The following PHGDH variants were observed in gnomAD, a reference collection of about 807,000 sequenced individuals.
PHGDH encodes the protein D-3-phosphoglycerate dehydrogenase.
PHGDH carries 50 observed loss-of-function variants against 52.6 expected under a neutral mutation model. The observed-to-expected ratio is 0.95, with a 90% confidence interval of 0.76 to 1.20. PHGDH has a LOEUF of 1.20. Among genes scored for constraint, PHGDH ranks in the 50% most tolerant of loss-of-function variants. The pLI, the probability that PHGDH is intolerant of heterozygous loss-of-function variation, is 0.00. For missense variants in PHGDH, 630 were observed against 684.6 expected (o/e 0.92, Z 0.89); for synonymous variants, 271 against 280.5 (o/e 0.97, Z 0.34).
chr1:119,726,179 AGTGTGTGTGTGTGTGTGT>A (rs55671458), intron 3 of PHGDH, among the ~76,000 whole-genome samples: 5 of 131,170 alleles, frequency 3.8e-5, no homozygotes, highest in Admixed American at 1.5e-4. Context: ...GGCTGTGAAG[AGTGTGTGTGTGTGTGTGT>A]GTGTGTGTGT....
At chr1:119,724,987 C>T in intron 3 of PHGDH, 2 of 456,626 alleles carry the variant, frequency 4.4e-6, no homozygotes, top group Non-Finnish European at 4.4e-6. Flanking sequence ...TATATGTAGA[C>T]TCTACAGGAT....
At chr1:119,741,393 T>C (rs973486448) in intron 9 of PHGDH, among the ~76,000 whole-genome samples, 1 of 152,190 alleles carries the variant, frequency 6.6e-6, no homozygotes, top group Non-Finnish European at 1.5e-5. Flanking sequence ...TGCTTTGATT[T>C]CCTGAGGCTG....
In PHGDH at chr1:119,720,194, A is replaced by T. The variant is rs1221241014; in HGVS notation, c.139-976A>T. The T allele has an allele frequency of 8.5e-5, 13 of 152,324 alleles. No individual in the cohort carries two copies. In the East Asian group the frequency reaches 2.5e-3, roughly 29 times the overall value. 9.4% of individuals were successfully genotyped at this position (152,324 alleles called of 1,614,324 possible). ...CACAGGATTCTGGGTGAGCATAAGG[A>T]AGATTGTCTTGGGGATCTGACTTAG... On this transcript the variant is annotated intron_variant, in intron 1 of 11. Transcript: ENST00000641023.
intron 5 of PHGDH, among the ~76,000 whole-genome samples, chr1:119,732,866 C>T (rs1005650466): frequency 6.6e-6 from 1 of 152,138 alleles, no homozygotes; most frequent in African/African-American, 2.4e-5. Flanking sequence ...ATGGAGTAGA[C>T]GTCAGTCAGG....
intron 8 of PHGDH, among the ~76,000 whole-genome samples, chr1:119,737,725 CTG>C (rs1652008933): frequency 6.6e-6 from 1 of 152,168 alleles, no homozygotes; most frequent in Non-Finnish European, 1.5e-5. Context: ...AATGAGCCCT[CTG>C]TGCTGGCTGA....
In PHGDH at chr1:119,744,196, A is replaced by G; in HGVS notation, c.*156A>G. 5.5e-6 allele frequency: 4 copies of G among 727,682 alleles called. No individual in the cohort carries two copies. The highest frequency in any genetic ancestry group is 2.1e-5 in the Admixed American group (1 of 48,416). The allele number at this position is 727,682 out of a possible 1,614,324, so 45.1% of individuals were successfully genotyped here. Reference sequence around the variant, plus strand: ...CCCTGTAGTACAGCAATAACCGTCTAATAAAGAGCCTACCCCCAACTCCTT... The same window carrying G: ...CCCTGTAGTACAGCAATAACCGTCTGATAAAGAGCCTACCCCCAACTCCTT... On this transcript the variant is annotated 3_prime_UTR_variant, in exon 12 of 12. Transcript: ENST00000641023.
At chr1:119,742,611 C>A in intron 10 of PHGDH, 196 bp from the exon 11 acceptor site, 1 of 637,290 alleles carries the variant, frequency 1.6e-6, no homozygotes, top group Non-Finnish European at 2.9e-6. Context: ...TTAAGGAGAT[C>A]ATTGGCTGTT....
At chr1:119,712,855 A>G (rs1282961752) in intron 1 of PHGDH, among the ~76,000 whole-genome samples, 3 of 152,134 alleles carry the variant, frequency 2.0e-5, no homozygotes, top group Admixed American at 6.5e-5. Context: ...CCTTCGGAGG[A>G]AAGGGAGGCG....
At chr1:119,721,121 G>A (rs201760428) in intron 1 of PHGDH, 49 bp from the exon 2 acceptor site, 30 of 1,586,238 alleles carry the variant, frequency 1.9e-5, no homozygotes, top group Non-Finnish European at 2.3e-5. Flanking sequence ...GCGGCTTTAC[G>A]AGTTCTCACA....
rs3862263 is a variant in PHGDH at position 119,744,083 on chromosome 1, A to C, written c.*43A>C. 1 of 1,586,214 alleles carries C rather than the reference A, an allele frequency of 6.3e-7. No homozygotes were observed. On this transcript the variant is annotated 3_prime_UTR_variant, in exon 12 of 12. Coordinates refer to ENST00000641023, the MANE Select transcript of PHGDH (RefSeq NM_006623.4). ...CCCTGCCTCTGGGGCTTTTCTGAAG[A>C]AACCCACCCACTGTGATCAATAGGG...
chr1:119,737,597 G>C (rs1457426221), intron 8 of PHGDH, among the ~76,000 whole-genome samples: 2 of 152,134 alleles, frequency 1.3e-5, no homozygotes, highest in Non-Finnish European at 2.9e-5. Flanking sequence ...AGTGCTGCTT[G>C]GGTGCCAGCT....
At chr1:119,712,270 C>T in intron 1 of PHGDH, 110 bp downstream of exon 1, 1 of 940,690 alleles carries the variant, frequency 1.1e-6, no homozygotes. Flanking sequence ...TCAATTAGTT[C>T]CGGGGCCTCC....
chr1:119,742,728 A>G (rs1652266945), intron 10 of PHGDH, 79 bp from the exon 11 acceptor site: 3 of 861,932 alleles, frequency 3.5e-6, no homozygotes, highest in African/African-American at 3.3e-5. Context: ...CATCCTACCA[A>G]TGGGTGATTT....
intron 8 of PHGDH, among the ~76,000 whole-genome samples, chr1:119,739,109 G>C (rs587658746): frequency 6.6e-6 from 1 of 152,320 alleles, no homozygotes; most frequent in South Asian, 2.1e-4. Context: ...ATTAGGGTCA[G>C]GTTGGTGTCC....
rs1003715330 is a variant in PHGDH at position 119,743,182 on chromosome 1, T to A, written c.1447+138T>A. 5 of 742,920 alleles carry A rather than the reference T, an allele frequency of 6.7e-6. No homozygotes were observed. In the African/African-American group the frequency reaches 8.6e-5, roughly 13 times the overall value. 46.0% of individuals were successfully genotyped at this position (742,920 alleles called of 1,614,324 possible). A position where few individuals can be genotyped will look rare whatever the true frequency, so the allele number is the denominator to read the frequency against. On this transcript the variant is annotated intron_variant, in intron 11 of 11. Transcript: ENST00000641023. ...CTGGATCTGCACCATACAGAGGGTC[T>A]GATGCCAGTTTTCAGAACCTTCAGG...
intron 7 of PHGDH, 121 bp from the exon 8 acceptor site, chr1:119,736,993 A>G: frequency 1.1e-6 from 1 of 885,952 alleles, no homozygotes. Context: ...CTGACAAAAT[A>G]GAAGTGGAAG....
At chr1:119,740,609 GT>G (rs1487602941) in intron 9 of PHGDH, 91 bp downstream of exon 9, 1 of 1,143,798 alleles carries the variant, frequency 8.7e-7, no homozygotes, top group African/African-American at 1.5e-5. Flanking sequence ...AGGACACAGG[GT>G]TAGTGAGAGG....
In PHGDH at chr1:119,727,115, T is replaced by C. The variant is rs1375068405; in HGVS notation, c.510+13T>C. On this transcript the variant is annotated intron_variant, in intron 5 of 11. Transcript: ENST00000641023. ...CTTTGGGATGAAGGTAAGATGTTGCTGGAACCCTGTGATGTGGGACTTTCT... is the reference window on the plus strand; with the variant it reads ...CTTTGGGATGAAGGTAAGATGTTGCCGGAACCCTGTGATGTGGGACTTTCT... The C allele has an allele frequency of 6.7e-7, 1 of 1,486,062 alleles. No individual in the cohort carries two copies. The highest frequency in any genetic ancestry group is 1.7e-5 in the Admixed American group (1 of 59,868). 92.1% of individuals were successfully genotyped at this position (1,486,062 alleles called of 1,614,324 possible). A position where few individuals can be genotyped will look rare whatever the true frequency, so the allele number is the denominator to read the frequency against.
chr1:119,743,963 A>C lies in PHGDH; in HGVS notation c.1525A>C (p.Met509Leu). ...LVSDGETWHVMGISSLLPSLE... is the reference protein window; with the variant it reads ...LVSDGETWHVLGISSLLPSLE... ...GTCAGATGGGGAGACCTGGCACGTC[A>C]TGGGCATCTCCTCCTTGCTGCCCAG... Residue 509 changes from methionine to leucine, a missense_variant, in exon 12 of 12, where the codon ATG becomes CTG. By Grantham distance (15) the Met-to-Leu change is conservative (BLOSUM62 2). Transcript: ENST00000641023. 2 of 1,613,842 alleles carry C rather than the reference A, an allele frequency of 1.2e-6. No homozygotes were observed. Among genetic ancestry groups the C allele is most frequent in the Non-Finnish European group, 1.7e-6 (2 of 1,179,740 alleles).
Sources: gnomAD v4.1 joint callset for allele counts (sites outside exome capture counted in the v4.1 genomes callset) on GRCh38, gnomAD v4.1.1 for gene constraint, MANE v1.5 for transcripts, NCBI Gene and HGNC (gene_info 2026-07-23, HGNC 2026-07-21) for gene names.